NAALADL2: variants seen among roughly 807,000 people sequenced by gnomAD.
NAALADL2 encodes N-acetylated alpha-linked acidic dipeptidase like 2, also known as inactive N-acetylated-alpha-linked acidic dipeptidase-like protein 2.
In NAALADL2, 76 loss-of-function variants were observed where a neutral mutation model predicts 87.2. The observed-to-expected ratio is 0.87, with a 90% confidence interval of 0.72 to 1.05. NAALADL2 has a LOEUF of 1.05. Ranked by LOEUF, NAALADL2 falls within the 50% of genes least tolerant of loss-of-function variation. The pLI, the probability that NAALADL2 is intolerant of heterozygous loss-of-function variation, is 0.00. For synonymous variants in NAALADL2, 354 were observed against 331.0 expected, an observed-to-expected ratio of 1.07 and a Z score of -0.75; for missense variants, 1,089 against 945.8, an observed-to-expected ratio of 1.15 and a Z score of -1.99.
chr3:174,570,312 T>C (rs993462322), intron 2 of NAALADL2, among the ~76,000 whole-genome samples: 2 of 152,138 alleles, frequency 1.3e-5, no homozygotes, highest in Admixed American at 6.5e-5. Context: ...AATTTAAACA[T>C]ATATTTTCTA....
intron 11 of NAALADL2, among the ~76,000 whole-genome samples, chr3:175,721,336 G>T (rs1247627240): frequency 1.3e-5 from 2 of 152,078 alleles, no homozygotes; most frequent in Non-Finnish European, 2.9e-5. Context: ...AAAGCTCATT[G>T]TCTAGAAAAC....
chr3:175,602,482 C>A (rs5028092), intron 10 of NAALADL2, among the ~76,000 whole-genome samples: 15,929 of 59,046 alleles, frequency 0.27, 864 homozygotes, highest in East Asian at 0.5. Context: ...AGAGAGAGAG[C>A]GAGCTAAATA....
intron 4 of NAALADL2, among the ~76,000 whole-genome samples, chr3:175,284,469 A>G (rs746094161): frequency 6.6e-6 from 1 of 152,050 alleles, no homozygotes; most frequent in Non-Finnish European, 1.5e-5. Flanking sequence ...GCAAGACTTA[A>G]TGTATGGCTT....
chr3:174,906,101 A>G (rs1232432187), intron 1 of NAALADL2, among the ~76,000 whole-genome samples: 2 of 152,104 alleles, frequency 1.3e-5, no homozygotes, highest in African/African-American at 2.4e-5. Flanking sequence ...TATATTGTAC[A>G]AAACAAACTG....
At chr3:175,506,363 C>T (rs1056757808) in intron 9 of NAALADL2, among the ~76,000 whole-genome samples, 1 of 152,106 alleles carries the variant, frequency 6.6e-6, no homozygotes, top group African/African-American at 2.4e-5. Context: ...GGATGAAAAC[C>T]TGAAGGTTCA....
rs187658756 is a variant in NAALADL2, at chr3:174,714,166, A to C, written c.-114-23475A>C. 1.1e-3 allele frequency among the ~76,000 whole-genome samples: 170 copies of C among 152,012 alleles called. 1 individual carries two copies. Among genetic ancestry groups the C allele is most frequent in the African/African-American group, 4.0e-3 (166 of 41,486 alleles). Reference sequence around the variant, plus strand: ...TTCTGTTCCATTGGTCTATATCTCTATTTTGGTACCAGTTCCATGCTGTTT... The same window carrying C: ...TTCTGTTCCATTGGTCTATATCTCTCTTTTGGTACCAGTTCCATGCTGTTT... On this transcript the variant is annotated intron_variant, in intron 2 of 3. Coordinates refer to the NAALADL2 transcript ENST00000434257.
At chr3:175,408,187 C>T (rs76593200) in intron 5 of NAALADL2, among the ~76,000 whole-genome samples, 2,241 of 152,054 alleles carry the variant, frequency 0.015, 121 homozygotes, top group East Asian at 0.14. Flanking sequence ...TAGGAGAGAA[C>T]TCAGTTTTGG....
intron 6 of NAALADL2, among the ~76,000 whole-genome samples, chr3:175,462,800 G>A (rs1723345350): frequency 6.6e-6 from 1 of 152,054 alleles, no homozygotes; most frequent in African/African-American, 2.4e-5. Context: ...AATTCAAAAA[G>A]GTAGAGCGAT....
intron 1 of NAALADL2, among the ~76,000 whole-genome samples, chr3:175,009,549 G>T (rs1749505877): frequency 1.3e-5 from 2 of 152,118 alleles, no homozygotes; most frequent in Admixed American, 6.5e-5. Flanking sequence ...CTAAAGAAAA[G>T]AATTTACTCT....
chr3:175,259,991 G>T (rs1024846556), intron 4 of NAALADL2, among the ~76,000 whole-genome samples: 2 of 151,742 alleles, frequency 1.3e-5, no homozygotes, highest in Non-Finnish European at 2.9e-5. Context: ...TTTCACCACT[G>T]CACTCCAGCC....
chr3:175,367,539 C>A (rs1165117540), intron 5 of NAALADL2, among the ~76,000 whole-genome samples: 5 of 152,138 alleles, frequency 3.3e-5, no homozygotes, highest in Non-Finnish European at 7.4e-5. Context: ...TTTCCTTGAG[C>A]AGTGGTTTGT....
intron 2 of NAALADL2, among the ~76,000 whole-genome samples, chr3:175,142,233 A>G (rs1730104057): frequency 6.6e-6 from 1 of 152,066 alleles, no homozygotes; most frequent in Admixed American, 6.6e-5. Context: ...GAACTTTTCT[A>G]AAGTGAATTA....
intron 5 of NAALADL2, among the ~76,000 whole-genome samples, chr3:175,335,066 GCT>G (rs1480202684): frequency 6.6e-6 from 1 of 152,076 alleles, no homozygotes; most frequent in Non-Finnish European, 1.5e-5. Context: ...GAGACAACAG[GCT>G]CTCTCTTGAC....
chr3:175,421,073 CTAAGT>C (rs1715611441), intron 5 of NAALADL2, among the ~76,000 whole-genome samples: 1 of 151,794 alleles, frequency 6.6e-6, no homozygotes, highest in South Asian at 2.1e-4. Context: ...TAGTTATTCT[CTAAGT>C]TTTCTTTGCA....
At chr3:175,705,073 G>T (rs1361817429) in intron 11 of NAALADL2, among the ~76,000 whole-genome samples, 1 of 152,128 alleles carries the variant, frequency 6.6e-6, no homozygotes, top group African/African-American at 2.4e-5. Context: ...AGAGACATTT[G>T]CTCAGGAACC....
At chr3:175,667,224 AAAG>A in intron 11 of NAALADL2, among the ~76,000 whole-genome samples, 1 of 123,820 alleles carries the variant, frequency 8.1e-6, no homozygotes, top group South Asian at 2.4e-4. Context: ...AGAAAGAAAG[AAAG>A]AAAGAAAGAA....
At chr3:174,834,730 T>C (rs1723133989) in intron 3 of NAALADL2, among the ~76,000 whole-genome samples, 1 of 151,768 alleles carries the variant, frequency 6.6e-6, no homozygotes, top group Admixed American at 6.6e-5. Context: ...TTAAGACAAA[T>C]TTAAGAAAAA....
rs1329426927 is a variant in NAALADL2 at position 175,013,278 on chromosome 3, C to CCT, written c.44-83512_44-83511insCT. On this transcript the variant is annotated intron_variant, in intron 1 of 13. Transcript: ENST00000454872. Reference sequence around the variant, plus strand: ...ATATACATATATTTTTATATATATACATATATATATATATATATATATATT... The same window carrying CCT: ...ATATACATATATTTTTATATATATACCTATATATATATATATATATATATATT... Among the ~76,000 whole-genome samples the CCT allele has an allele frequency of 9.0e-4, 66 of 73,736 alleles. 2 individuals carry two copies. Among genetic ancestry groups the CCT allele is most frequent in the African/African-American group, 4.9e-3 (66 of 13,448 alleles). 48.4% of individuals were successfully genotyped at this position (73,736 alleles called of 152,430 possible).
intron 1 of NAALADL2, among the ~76,000 whole-genome samples, chr3:175,027,384 C>T (rs1049624617): frequency 5.9e-5 from 9 of 151,954 alleles, no homozygotes; most frequent in Admixed American, 1.3e-4. Context: ...CATCTTCTCA[C>T]AAATGTTATG....
Sources: gnomAD v4.1 joint callset for allele counts (sites outside exome capture counted in the v4.1 genomes callset) on GRCh38, gnomAD v4.1.1 for gene constraint, MANE v1.5 for transcripts, NCBI Gene and HGNC (gene_info 2026-07-23, HGNC 2026-07-21) for gene names.